The following FAN1 variants were observed in gnomAD, a reference collection of about 807,000 sequenced individuals.
FAN1 encodes the protein FANCD2 and FANCI associated nuclease 1, also known as fanconi-associated nuclease 1.
A neutral mutation model predicts 104.9 loss-of-function variants in FAN1; 91 were observed. That is an observed-to-expected ratio of 0.87 (90% CI 0.73 to 1.03). The LOEUF is 1.03. Ranked by LOEUF, FAN1 falls within the 50% of genes least tolerant of loss-of-function variation. The probability of loss-of-function intolerance (pLI) is 0.00; values close to 1 mark genes in which losing one functional copy is unlikely to be tolerated. For synonymous variants in FAN1, 478 were observed against 457.6 expected (o/e 1.04, Z -0.57); for missense variants, 1,263 against 1,239.9 (o/e 1.02, Z -0.28).
At chr15:30,917,296 G>T (rs1185923383) in intron 5 of FAN1, among the ~76,000 whole-genome samples, 1 of 152,130 alleles carries the variant, frequency 6.6e-6, no homozygotes, top group Admixed American at 6.5e-5. Context: ...TGAAGCTGTT[G>T]TGTGTGGCAT....
chr15:30,923,084 A>AT (rs2062373339), intron 8 of FAN1, among the ~76,000 whole-genome samples: 1 of 151,956 alleles, frequency 6.6e-6, no homozygotes, highest in South Asian at 2.1e-4. Context: ...GGAGCTTTTG[A>AT]TTTTTTCAGT....
At chr15:30,914,965 A>G (rs765769209) in intron 5 of FAN1, among the ~76,000 whole-genome samples, 9 of 152,334 alleles carry the variant, frequency 5.9e-5, no homozygotes, top group Non-Finnish European at 1.2e-4. Flanking sequence ...GTAATATCCA[A>G]AGGAAAAGAA....
Position 30,904,961 on chromosome 15 carries a change from A to G in FAN1, c.298A>G (p.Lys100Glu). 1.2e-6 allele frequency: 2 copies of G among 1,613,998 alleles called. No individual in the cohort carries two copies. Among genetic ancestry groups the G allele is most frequent in the Non-Finnish European group, 1.7e-6 (2 of 1,179,958 alleles). ...TSVTLEDVTP[K>E]KSPPPKTNLT... The stretch of plus-strand genomic sequence containing the variant: ...TGTTACCTTAGAAGATGTAACACCT[A>G]AGAAGTCACCACCACCAAAGACAAA... The change falls in exon 2 of 15, where the codon AAG (lysine) becomes GAG (glutamate). Residue 100 changes from lysine (K) to glutamate (E), a missense_variant. Transcript: ENST00000362065.
intron 10 of FAN1, 104 bp downstream of exon 10, chr15:30,926,043 C>T: frequency 8.5e-7 from 1 of 1,172,412 alleles, no homozygotes; most frequent in South Asian, 1.4e-5. Context: ...CTGTCCTCTG[C>T]TCACAGTGGA....
intron 14 of FAN1, chr15:30,939,484 G>A (rs1566939412): frequency 1.0e-6 from 1 of 984,936 alleles, no homozygotes; most frequent in Non-Finnish European, 1.2e-6. Flanking sequence ...TTCATATTAT[G>A]CACAATAAAC....
In FAN1 at chr15:30,928,506, T is replaced by TTGTG. The variant is rs61136501; in HGVS notation, c.2489-16_2489-13dup. The TTGTG allele has an allele frequency of 0.21, 304,498 of 1,457,276 alleles. 6,385 individuals are homozygous for TTGTG. The highest frequency in any genetic ancestry group is 0.42 in the East Asian group (16,571 of 39,122). The allele number at this position is 1,457,276 out of a possible 1,614,324, so 90.3% of individuals were successfully genotyped here. The stretch of plus-strand genomic sequence containing the variant: ...TTGGAAGAAACAGATAAAACAGATT[T>TTGTG]TGTGTGTGTGTGTGTGTGTGTGTGT... On this transcript the variant is annotated intron_variant, in intron 10 of 14. Coordinates refer to ENST00000362065, the MANE Select transcript of FAN1 (RefSeq NM_014967.5).
chr15:30,935,524 A>T (rs1018273075), intron 13 of FAN1, among the ~76,000 whole-genome samples: 1 of 152,222 alleles, frequency 6.6e-6, no homozygotes, highest in Non-Finnish European at 1.5e-5. Context: ...CATAGCATTT[A>T]TATTAGGTAT....
chr15:30,909,964 C>G (rs746240913), intron 3 of FAN1, among the ~76,000 whole-genome samples: 4 of 152,214 alleles, frequency 2.6e-5, no homozygotes, highest in Non-Finnish European at 5.9e-5. Context: ...TTAATTGTTA[C>G]GCTGGGAGGC....
intron 8 of FAN1, among the ~76,000 whole-genome samples, chr15:30,924,624 T>A (rs935715620): frequency 6.6e-6 from 1 of 152,218 alleles, no homozygotes; most frequent in Non-Finnish European, 1.5e-5. Context: ...AACCTTTGGC[T>A]CCTGTCCCTG....
intron 13 of FAN1, among the ~76,000 whole-genome samples, chr15:30,935,417 C>T (rs2062825284): frequency 6.6e-6 from 1 of 152,114 alleles, no homozygotes; most frequent in African/African-American, 2.4e-5. Context: ...TCTGTAGATG[C>T]AACCATGGAC....
At chr15:30,941,460 A>G (rs997494754) in intron 14 of FAN1, 106 bp from the exon 15 acceptor site, 1 of 1,591,122 alleles carries the variant, frequency 6.3e-7, no homozygotes, top group African/African-American at 1.4e-5. Context: ...TGTTCAGAAA[A>G]CACCCTATTT....
intron 12 of FAN1, among the ~76,000 whole-genome samples, chr15:30,929,952 A>C (rs1306846077): frequency 8.1e-6 from 1 of 122,888 alleles, no homozygotes; most frequent in Non-Finnish European, 1.6e-5. Flanking sequence ...ATAATATAAT[A>C]TATATCATAT....
At chr15:30,935,080 C>T (rs565111993) in intron 13 of FAN1, among the ~76,000 whole-genome samples, 7 of 151,840 alleles carry the variant, frequency 4.6e-5, no homozygotes, top group South Asian at 2.1e-4. Context: ...CTGAGGTGGG[C>T]GGATTGCTTG....
At chr15:30,920,439 A>G (rs1316822743) in intron 6 of FAN1, 106 bp from the exon 7 acceptor site, 1 of 757,302 alleles carries the variant, frequency 1.3e-6, no homozygotes, top group East Asian at 2.7e-5. Flanking sequence ...TATTTAGAAT[A>G]TACCTTTTTA....
intron 10 of FAN1, chr15:30,928,041 G>C (rs915580172): frequency 1.2e-5 from 12 of 990,870 alleles, no homozygotes; most frequent in Non-Finnish European, 1.4e-5. Flanking sequence ...TACCCAGGGG[G>C]ATGAGGTGCA....
chr15:30,915,369 T>G (rs558864550), intron 5 of FAN1, among the ~76,000 whole-genome samples: 30 of 152,358 alleles, frequency 2.0e-4, no homozygotes, highest in African/African-American at 6.0e-4. Context: ...GAATAAGTTC[T>G]GTTGTTCTGT....
rs1267888525 is a variant in FAN1 at position 30,942,432 on chromosome 15, C to G, written c.*870C>G. ...CAGAGGCAGTCAGGAGGCCAAATGT[C>G]TGATTCTTTGTTCTGTACCTTTCAG... On this transcript the variant is annotated 3_prime_UTR_variant, in exon 15 of 15. Coordinates refer to ENST00000362065, the MANE Select transcript of FAN1 (RefSeq NM_014967.5). 1 of 321,906 alleles carries G rather than the reference C, an allele frequency of 3.1e-6. No homozygotes were observed. Among genetic ancestry groups the G allele is most frequent in the Non-Finnish European group, 5.7e-6 (1 of 176,156 alleles). The allele number at this position is 321,906 out of a possible 1,614,324, so 19.9% of individuals were successfully genotyped here.
Position 30,904,745 on chromosome 15 carries a change from A to G in FAN1, c.82A>G (p.Asn28Asp). ...CAGCAAGAATAAGAAAAAAGCATCT[A>G]ATTCTATTATTTCGTGTTTTAACAA... is the stretch of plus-strand genomic sequence containing the variant. ...SISKNKKKAS[N>D]SIISCFNNAP... The change falls in exon 2 of 15, where the codon AAT becomes GAT. Residue 28 changes from asparagine to aspartate, a missense_variant. This residue lies in a region of FAN1 where 682 missense variants were observed against 571.1 expected (regional missense o/e 1.19). Coordinates refer to ENST00000362065, the MANE Select transcript of FAN1 (RefSeq NM_014967.5). The G allele has an allele frequency of 6.2e-7, 1 of 1,612,202 alleles. No individual in the cohort carries two copies. The highest frequency in any genetic ancestry group is 8.5e-7 in the Non-Finnish European group (1 of 1,178,648).
chr15:30,917,678 G>A (rs913358655), intron 5 of FAN1, among the ~76,000 whole-genome samples: 26 of 152,190 alleles, frequency 1.7e-4, no homozygotes, highest in African/African-American at 2.4e-5. Flanking sequence ...ACATTTCAGC[G>A]TTGCCATCTC....
Sources: gnomAD v4.1 joint callset for allele counts (sites outside exome capture counted in the v4.1 genomes callset) on GRCh38, gnomAD v4.1.1 for gene constraint, gnomAD v4.1.1 regional missense constraint, MANE v1.5 for transcripts, NCBI Gene and HGNC (gene_info 2026-07-23, HGNC 2026-07-21) for gene names.